SORCS1: variants seen among roughly 807,000 people sequenced by gnomAD.
SORCS1 encodes the protein sortilin related VPS10 domain containing receptor 1, also known as VPS10 domain-containing receptor SorCS1.
SORCS1 carries 60 observed loss-of-function variants against 146.1 expected under a neutral mutation model. The observed-to-expected ratio is 0.41, with a 90% CI of 0.33 to 0.51. The LOEUF (loss-of-function observed/expected upper bound fraction) is 0.51. Among genes scored for constraint, SORCS1 ranks in the 20% least tolerant of loss-of-function variants. The pLI is 0.21. For synonymous variants in SORCS1, 637 were observed against 584.0 expected, an observed-to-expected ratio of 1.09 and a Z score of -1.31; for missense variants, 1,352 against 1,487.6, an observed-to-expected ratio of 0.91 and a Z score of 1.50.
chr10:106,707,111 G>C (rs191914258), intron 7 of SORCS1, among the ~76,000 whole-genome samples: 44 of 152,204 alleles, frequency 2.9e-4, no homozygotes, highest in African/African-American at 9.6e-4. Flanking sequence ...GGCACAGACA[G>C]GAGTGCTGGC....
chr10:106,694,500 G>A (rs1033108843), intron 9 of SORCS1, among the ~76,000 whole-genome samples: 1 of 152,136 alleles, frequency 6.6e-6, no homozygotes, highest in African/African-American at 2.4e-5. Context: ...TTCTGCCTCT[G>A]CCTCCTAAAG....
At chr10:107,000,546 G>A (rs1032862688) in intron 1 of SORCS1, among the ~76,000 whole-genome samples, 4 of 151,422 alleles carry the variant, frequency 2.6e-5, no homozygotes, top group African/African-American at 9.7e-5. Context: ...GGTGGAGGTT[G>A]CAGTGAGCTG....
At chr10:106,905,532 A>T (rs1011439341) in intron 2 of SORCS1, among the ~76,000 whole-genome samples, 1 of 152,218 alleles carries the variant, frequency 6.6e-6, no homozygotes, top group Non-Finnish European at 1.5e-5. Flanking sequence ...CCTGTTCAAG[A>T]AAAGTTTGTA....
At chr10:107,103,370 T>C (rs181407500) in intron 1 of SORCS1, among the ~76,000 whole-genome samples, 58 of 152,338 alleles carry the variant, frequency 3.8e-4, no homozygotes, top group African/African-American at 1.4e-3. Context: ...CTAAGGTTTA[T>C]TAATATATGC....
chr10:106,905,683 C>A (rs1171453423), intron 2 of SORCS1, among the ~76,000 whole-genome samples: 5 of 152,148 alleles, frequency 3.3e-5, no homozygotes, highest in African/African-American at 7.2e-5. Flanking sequence ...AATACTACAT[C>A]ATTTGGCTTT....
intron 2 of SORCS1, among the ~76,000 whole-genome samples, chr10:106,869,874 T>G (rs1950343587): frequency 6.6e-6 from 1 of 152,068 alleles, no homozygotes. Flanking sequence ...ACAGAGGGCA[T>G]CCAAATAGGA....
intron 1 of SORCS1, among the ~76,000 whole-genome samples, chr10:107,138,709 A>C (rs551046231): frequency 4.6e-5 from 7 of 152,316 alleles, no homozygotes; most frequent in Admixed American, 3.3e-4. Flanking sequence ...TCATGTGTAG[A>C]GTACATCTTA....
chr10:106,833,635 G>A (rs1289994296), intron 2 of SORCS1, among the ~76,000 whole-genome samples: 1 of 152,172 alleles, frequency 6.6e-6, no homozygotes, highest in Non-Finnish European at 1.5e-5. Context: ...GCCTGGCACA[G>A]CAGAGATCCT....
chr10:106,616,699 T>C (rs1037306842), intron 21 of SORCS1, among the ~76,000 whole-genome samples: 3 of 152,124 alleles, frequency 2.0e-5, no homozygotes, highest in Non-Finnish European at 4.4e-5. Flanking sequence ...GAGAAGAAAT[T>C]ATAAAATCTA....
chr10:107,172,376 T>C, the SORCS1 span, among the ~76,000 whole-genome samples: 1 of 152,242 alleles, frequency 6.6e-6, no homozygotes, highest in Non-Finnish European at 1.5e-5. Flanking sequence ...ATGTTTGAAA[T>C]TTATCCACAG....
At chr10:106,809,504 C>T (rs1207924113) in intron 3 of SORCS1, among the ~76,000 whole-genome samples, 3 of 152,038 alleles carry the variant, frequency 2.0e-5, no homozygotes, top group South Asian at 4.2e-4. Flanking sequence ...AAAGACATGA[C>T]GGCCAAAATG....
intron 2 of SORCS1, among the ~76,000 whole-genome samples, chr10:106,866,232 A>T (rs779086515): frequency 9.2e-5 from 14 of 152,116 alleles, no homozygotes; most frequent in Admixed American, 2.6e-4. Context: ...AAAAGAGCAA[A>T]GACCCTAAGT....
chr10:106,631,101 C>T (rs990578533), intron 18 of SORCS1, among the ~76,000 whole-genome samples: 1 of 152,124 alleles, frequency 6.6e-6, no homozygotes, highest in African/African-American at 2.4e-5. Context: ...AAAATGTTGA[C>T]ATTTAAAAGA....
In SORCS1 at chr10:107,026,969, C is replaced by A. The variant is rs530282192; in HGVS notation, c.559-70389G>T. On this transcript the variant is annotated intron_variant, in intron 1 of 25. Transcript: ENST00000263054. ...CTTTAAAAATATGAATAAATCATGC[C>A]CCAATTTATCTAGTTGGTAATTAAG... 1.1e-4 allele frequency among the ~76,000 whole-genome samples: 17 copies of A among 149,400 alleles called. 1 individual carries two copies. In the South Asian group the frequency reaches 3.6e-3, roughly 31 times the overall value.
At chr10:107,108,245 T>C (rs1013884579) in intron 1 of SORCS1, among the ~76,000 whole-genome samples, 2 of 152,200 alleles carry the variant, frequency 1.3e-5, no homozygotes, top group Non-Finnish European at 2.9e-5. Flanking sequence ...TGGGCTGTCC[T>C]TGCATTCCTA....
At chr10:106,642,901 A>G (rs1849166495) in intron 18 of SORCS1, among the ~76,000 whole-genome samples, 1 of 152,180 alleles carries the variant, frequency 6.6e-6, no homozygotes, top group Non-Finnish European at 1.5e-5. Flanking sequence ...AGATTTATTG[A>G]TTAGTGTCTA....
rs748816284 is a variant in SORCS1 at position 107,085,272 on chromosome 10, G to A, written c.558+78697C>T. Reference sequence around the variant, plus strand: ...TTGCCTTTTTACAAAAGCCTGATTCGTCCTCCGGTAATACCATTTAAACAC... The same window carrying A: ...TTGCCTTTTTACAAAAGCCTGATTCATCCTCCGGTAATACCATTTAAACAC... On this transcript the variant is annotated intron_variant, in intron 1 of 25. Coordinates refer to ENST00000263054, the MANE Select transcript of SORCS1 (RefSeq NM_052918.5). Among the ~76,000 whole-genome samples, 8 of 152,168 alleles carry A rather than the reference G, an allele frequency of 5.3e-5. No individual in the cohort carries two copies. In the South Asian group the frequency reaches 1.0e-3, roughly 20 times the overall value.
At chr10:107,034,085 C>T (rs1423382087) in intron 1 of SORCS1, among the ~76,000 whole-genome samples, 1 of 152,180 alleles carries the variant, frequency 6.6e-6, no homozygotes, top group Non-Finnish European at 1.5e-5. Flanking sequence ...TTCCAATAGA[C>T]AGCTTGGAGA....
At chr10:107,074,444 T>C in intron 1 of SORCS1, among the ~76,000 whole-genome samples, 1 of 152,216 alleles carries the variant, frequency 6.6e-6, no homozygotes, top group East Asian at 1.9e-4. Flanking sequence ...TCCATTCACC[T>C]ACCAGAAAGC....
Sources: allele counts gnomAD v4.1 joint callset (sites outside exome capture counted in the v4.1 genomes callset), GRCh38; gene constraint gnomAD v4.1.1; transcripts MANE v1.5; gene names NCBI Gene and HGNC (gene_info 2026-07-23, HGNC 2026-07-21).